FRMD4B: variants seen among roughly 807,000 people sequenced by gnomAD.
FRMD4B encodes FERM domain-containing protein 4B.
A neutral mutation model predicts 141.5 loss-of-function variants in FRMD4B; 74 were observed. The ratio of observed to expected loss-of-function variants is 0.52; its 90% CI spans 0.43 to 0.63. The LOEUF (loss-of-function observed/expected upper bound fraction) is 0.63, where lower values mean the gene tolerates loss of function less well. Among genes scored for constraint, FRMD4B ranks in the 30% least tolerant of loss-of-function variants. The probability of loss-of-function intolerance (pLI) is 0.00; values close to 1 mark genes in which losing one functional copy is unlikely to be tolerated. For missense variants in FRMD4B, 1,366 were observed against 1,253.4 expected, an observed-to-expected ratio of 1.09 and a Z score of -1.36; for synonymous variants, 506 against 467.9, an observed-to-expected ratio of 1.08 and a Z score of -1.05.
chr3:69,395,637 G>A (rs1704462039), intron 2 of FRMD4B, among the ~76,000 whole-genome samples: 1 of 152,124 alleles, frequency 6.6e-6, no homozygotes, highest in South Asian at 2.1e-4. Context: ...CCCAAAAAAG[G>A]GACATGAAAG....
chr3:69,308,345 C>T (rs1701460758), intron 3 of FRMD4B, among the ~76,000 whole-genome samples: 2 of 151,992 alleles, frequency 1.3e-5, no homozygotes, highest in South Asian at 2.1e-4. Context: ...ACACAGCTAG[C>T]TATCAAGATT....
At chr3:69,400,013 C>A (rs1704533715) in intron 2 of FRMD4B, among the ~76,000 whole-genome samples, 1 of 152,124 alleles carries the variant, frequency 6.6e-6, no homozygotes, top group Admixed American at 6.6e-5. Context: ...ATATTAGGTA[C>A]TCAATAAACC....
At chr3:69,455,567 G>A (rs549554305) in intron 1 of FRMD4B, among the ~76,000 whole-genome samples, 11 of 152,192 alleles carry the variant, frequency 7.2e-5, no homozygotes, top group South Asian at 6.2e-4. Context: ...GAACACGTCC[G>A]ACGGAACATC....
In FRMD4B at chr3:69,241,472, A is replaced by G. The variant is rs528314857; in HGVS notation, c.581+7754T>C. 3.3e-5 allele frequency among the ~76,000 whole-genome samples: 5 copies of G among 152,342 alleles called. No homozygotes were observed. In the South Asian group the frequency reaches 1.0e-3, roughly 32 times the overall value. On this transcript the variant is annotated intron_variant, in intron 7 of 22. Transcript: ENST00000398540. ...AAATCACTTCTCAAGAGTTTTCACA[A>G]AAGTGTTTTGTTGATTCATCAAAGG...
chr3:69,493,909 T>C (rs1706343868), intron 1 of FRMD4B, among the ~76,000 whole-genome samples: 1 of 152,154 alleles, frequency 6.6e-6, no homozygotes, highest in Non-Finnish European at 1.5e-5. Context: ...ACAATAGTAA[T>C]GATAAGTACT....
intron 7 of FRMD4B, chr3:69,228,541 T>G (rs2093275920): frequency 2.3e-6 from 1 of 441,312 alleles, no homozygotes; most frequent in African/African-American, 2.0e-5. Context: ...TATCTTCACA[T>G]AAGTCAGAGC....
intron 1 of FRMD4B, among the ~76,000 whole-genome samples, chr3:69,319,303 T>C (rs1444548597): frequency 6.6e-6 from 1 of 152,210 alleles, no homozygotes; most frequent in Non-Finnish European, 1.5e-5. Flanking sequence ...GCATTTAATC[T>C]GAAACTCAGA....
In FRMD4B at chr3:69,399,032, T is replaced by C. The variant is rs532961748; in HGVS notation, c.-1+33602A>G. On this transcript the variant is annotated intron_variant, in intron 2 of 5. Transcript: ENST00000459638. ...AGTCATTCAAGGCACCATGGTAAAA[T>C]TGGATTTAAAGAAAGAAAAAAAATT... 5.7e-4 allele frequency among the ~76,000 whole-genome samples: 87 copies of C among 152,184 alleles called. 1 individual carries two copies. The South Asian group carries it at 0.017, about 30-fold the overall frequency.
At chr3:69,395,460 G>A (rs1038860674) in intron 2 of FRMD4B, among the ~76,000 whole-genome samples, 4 of 151,908 alleles carry the variant, frequency 2.6e-5, no homozygotes, top group East Asian at 1.9e-4. Flanking sequence ...TCTCAAGGCC[G>A]GGTATACTCT....
At chr3:69,340,049 C>A (rs1325386479) in intron 1 of FRMD4B, among the ~76,000 whole-genome samples, 1 of 152,184 alleles carries the variant, frequency 6.6e-6, no homozygotes, top group Non-Finnish European at 1.5e-5. Flanking sequence ...GCCACATTGC[C>A]TTCCTCTGTA....
intron 19 of FRMD4B, 107 bp downstream of exon 19, chr3:69,187,663 G>T: frequency 9.6e-7 from 1 of 1,044,064 alleles, no homozygotes; most frequent in Non-Finnish European, 1.4e-6. Flanking sequence ...ACATCTTTTG[G>T]AAGGATAAAT....
chr3:69,206,314 C>T (rs998470258), intron 11 of FRMD4B, among the ~76,000 whole-genome samples: 2 of 152,138 alleles, frequency 1.3e-5, no homozygotes, highest in Admixed American at 1.3e-4. Context: ...CGTGCCACTG[C>T]ACTCCAGCCT....
At chr3:69,414,123 A>G (rs933839975) in intron 2 of FRMD4B, among the ~76,000 whole-genome samples, 1 of 152,176 alleles carries the variant, frequency 6.6e-6, no homozygotes, top group Non-Finnish European at 1.5e-5. Context: ...GCTGCATTTC[A>G]TCTATAGGGA....
chr3:69,383,199 G>A (rs530836885), intron 1 of FRMD4B, among the ~76,000 whole-genome samples: 2 of 152,098 alleles, frequency 1.3e-5, no homozygotes, highest in Non-Finnish European at 2.9e-5. Context: ...GGCAAAGACT[G>A]GATTAACTCC....
chr3:69,379,168 C>T (rs960924997), intron 1 of FRMD4B, among the ~76,000 whole-genome samples: 2 of 152,152 alleles, frequency 1.3e-5, no homozygotes, highest in South Asian at 2.1e-4. Context: ...TATGAATGAA[C>T]AAATGAATAA....
At position 69,196,405 on chromosome 3, in the gene FRMD4B, CATACA is replaced by C. The variant is rs772790622; in HGVS notation, c.1093-14_1093-10del. On this transcript the variant is annotated splice_polypyrimidine_tract_variant and intron_variant, in intron 13 of 22. Coordinates refer to ENST00000398540, the MANE Select transcript of FRMD4B (RefSeq NM_015123.3). The stretch of plus-strand genomic sequence containing the variant: ...GCTGAAGGAATTTTTGCCTAAGAGG[CATACA>C]ACAATGAAACAGAATTAACTCAAAC... 3.1e-6 allele frequency: 5 copies of C among 1,598,016 alleles called. No individual in the cohort carries two copies. The African/African-American group carries it at 6.7e-5, about 21-fold the overall frequency.
At chr3:69,265,299 TATATATATATATATATG>T (rs2093555448) in intron 5 of FRMD4B, among the ~76,000 whole-genome samples, 1 of 94,034 alleles carries the variant, frequency 1.1e-5, no homozygotes, top group Non-Finnish European at 2.2e-5. Context: ...TATATATATA[TATATATATATATATATG>T]CAGATATGAA....
upstream of FRMD4B, among the ~76,000 whole-genome samples, chr3:69,390,020 G>T (rs73835818): frequency 6.6e-6 from 1 of 151,878 alleles, no homozygotes; most frequent in Admixed American, 6.6e-5. Context: ...AAGATGCTTC[G>T]GGTGGCAGCA....
upstream of FRMD4B, among the ~76,000 whole-genome samples, chr3:69,389,995 C>T (rs565701024): frequency 6.6e-6 from 1 of 152,036 alleles, no homozygotes; most frequent in South Asian, 2.1e-4. Flanking sequence ...CTGCAGCTCT[C>T]TCTGGAGGCT....
Sources: gnomAD v4.1 joint callset for allele counts (sites outside exome capture counted in the v4.1 genomes callset) on GRCh38, gnomAD v4.1.1 for gene constraint, MANE v1.5 for transcripts, NCBI Gene and HGNC (gene_info 2026-07-23, HGNC 2026-07-21) for gene names.